SCLT1: variants seen among roughly 807,000 people sequenced by gnomAD.
The protein encoded by SCLT1 is sodium channel-associated protein 1.
SCLT1 carries 78 observed loss-of-function variants against 112.8 expected under a neutral mutation model. That is an observed-to-expected ratio of 0.69 (90% confidence interval 0.58 to 0.83). The LOEUF (loss-of-function observed/expected upper bound fraction) is 0.83. Among genes scored for constraint, SCLT1 ranks in the 40% least tolerant of loss-of-function variants. The probability of loss-of-function intolerance (pLI) is 0.00; values close to 1 mark genes in which losing one functional copy is unlikely to be tolerated. For synonymous variants in SCLT1, 257 were observed against 254.7 expected, an observed-to-expected ratio of 1.01 and a Z score of -0.09; for missense variants, 747 against 770.4, an observed-to-expected ratio of 0.97 and a Z score of 0.36.
At chr4:128,912,433 A>C (rs559523209) in intron 18 of SCLT1, among the ~76,000 whole-genome samples, 15 of 152,266 alleles carry the variant, frequency 9.9e-5, no homozygotes, top group African/African-American at 3.6e-4. Flanking sequence ...TTTTAACTTG[A>C]AAATTATAAA....
intron 2 of SCLT1, among the ~76,000 whole-genome samples, chr4:129,070,864 T>C (rs2125752803): frequency 6.6e-6 from 1 of 152,248 alleles, no homozygotes. Flanking sequence ...GGTGTGACCT[T>C]GGAATGTCAG....
At chr4:128,992,286 A>G (rs1461973046) in intron 8 of SCLT1, 49 bp from the exon 9 acceptor site, 12 of 1,145,856 alleles carry the variant, frequency 1.0e-5, no homozygotes, top group Non-Finnish European at 1.5e-5. Flanking sequence ...TAATAACTGT[A>G]TCTTTAAAGA....
intron 9 of SCLT1, among the ~76,000 whole-genome samples, chr4:128,973,995 T>C (rs765324029): frequency 2.0e-5 from 3 of 152,142 alleles, no homozygotes; most frequent in Non-Finnish European, 4.4e-5. Context: ...ACACAAAAGG[T>C]ATGTGAACTG....
intron 5 of SCLT1, among the ~76,000 whole-genome samples, chr4:129,004,845 T>C (rs531933792): frequency 6.6e-6 from 1 of 151,652 alleles, no homozygotes; most frequent in Admixed American, 6.6e-5. Context: ...TTAATTACTC[T>C]GAAGAAAGGA....
At chr4:129,059,072 G>A (rs1475928806) in intron 2 of SCLT1, among the ~76,000 whole-genome samples, 1 of 152,080 alleles carries the variant, frequency 6.6e-6, no homozygotes, top group African/African-American at 2.4e-5. Flanking sequence ...TTTAATGTCT[G>A]TATTATCTCA....
At chr4:128,965,582 T>C (rs1740108065) in intron 10 of SCLT1, among the ~76,000 whole-genome samples, 1 of 152,198 alleles carries the variant, frequency 6.6e-6, no homozygotes, top group Non-Finnish European at 1.5e-5. Flanking sequence ...TCAAACTATT[T>C]CTATAGTACA....
chr4:129,082,269 T>C, intron 2 of SCLT1, 37 bp downstream of exon 2: 1 of 1,037,506 alleles, frequency 9.6e-7, no homozygotes, highest in Non-Finnish European at 1.4e-6. Context: ...CAACTTCACA[T>C]GAGAATATTC....
At chr4:128,887,576 G>T (rs1732980655) in intron 20 of SCLT1, among the ~76,000 whole-genome samples, 2 of 151,640 alleles carry the variant, frequency 1.3e-5, no homozygotes, top group Non-Finnish European at 2.9e-5. Flanking sequence ...TTGTTTTCTC[G>T]CCTCCCCTAT....
intron 1 of SCLT1, among the ~76,000 whole-genome samples, chr4:129,089,612 C>T (rs1415846314): frequency 6.6e-6 from 1 of 152,152 alleles, no homozygotes; most frequent in Non-Finnish European, 1.5e-5. Flanking sequence ...TGGAACAAAC[C>T]CAAATGTCCA....
chr4:128,943,058 G>C lies in SCLT1; in HGVS notation c.1570C>G (p.Arg524Gly). The C allele has an allele frequency of 1.9e-6, 3 of 1,612,862 alleles. No individual in the cohort carries two copies. Among genetic ancestry groups the C allele is most frequent in the Non-Finnish European group, 2.5e-6 (3 of 1,179,374 alleles). ...TTCCTTAAACTCTCAGTCTCTTTCC[G>C]TAACTGTTTATTTTCTTGCTGAAGT... ...LKLQQENKQLRKETESLRKIA... is the reference protein window; with the variant it reads ...LKLQQENKQLGKETESLRKIA... Residue 524 changes from arginine to glycine, a missense_variant, in exon 17 of 21, where the codon CGG becomes GGG. Coordinates refer to ENST00000281142, the MANE Select transcript of SCLT1 (RefSeq NM_144643.4).
intron 5 of SCLT1, among the ~76,000 whole-genome samples, chr4:129,004,965 G>A (rs1743862318): frequency 6.6e-6 from 1 of 151,468 alleles, no homozygotes; most frequent in South Asian, 2.1e-4. Context: ...TTTCCTATAT[G>A]AAATGTTTAC....
chr4:128,913,237 CA>C (rs2125949771), intron 18 of SCLT1, among the ~76,000 whole-genome samples: 1 of 152,176 alleles, frequency 6.6e-6, no homozygotes, highest in East Asian at 1.9e-4. Flanking sequence ...TACAGCAAAA[CA>C]AAAATAAAAT....
At chr4:128,925,324 T>C (rs565859850) in intron 18 of SCLT1, among the ~76,000 whole-genome samples, 2 of 152,076 alleles carry the variant, frequency 1.3e-5, no homozygotes, top group African/African-American at 2.4e-5. Flanking sequence ...TTCATCAAGT[T>C]TGGAAAAAAT....
In SCLT1 at chr4:128,948,478, T is replaced by C; in HGVS notation, c.1293+18A>G. 1 of 1,603,858 alleles carries C rather than the reference T, an allele frequency of 6.2e-7. No individual in the cohort carries two copies. The highest frequency in any genetic ancestry group is 8.5e-7 in the Non-Finnish European group (1 of 1,176,860). On this transcript the variant is annotated intron_variant, in intron 15 of 20. Transcript: ENST00000281142. ...TGCAGTTGGGTTTTAGGTAGTTATA[T>C]TTCCTTTTTCTTTTTACCTTTTCTA...
intron 5 of SCLT1, among the ~76,000 whole-genome samples, chr4:129,013,736 A>T (rs1702149986): frequency 1.3e-5 from 2 of 152,064 alleles, no homozygotes; most frequent in Admixed American, 1.3e-4. Flanking sequence ...GATGTCTTTA[A>T]AATTTTTTGT....
intron 9 of SCLT1, among the ~76,000 whole-genome samples, chr4:128,973,866 T>C (rs1265942628): frequency 6.6e-6 from 1 of 152,132 alleles, no homozygotes; most frequent in Non-Finnish European, 1.5e-5. Context: ...TCCCACACTG[T>C]TCCATAGAAC....
chr4:129,032,424 C>T (rs1161538860), intron 5 of SCLT1, among the ~76,000 whole-genome samples: 6 of 152,080 alleles, frequency 3.9e-5, no homozygotes, highest in Non-Finnish European at 8.8e-5. Flanking sequence ...AGGACAAAGG[C>T]ATGGGCAAAG....
At chr4:128,973,591 C>T in intron 9 of SCLT1, among the ~76,000 whole-genome samples, 1 of 151,872 alleles carries the variant, frequency 6.6e-6, no homozygotes, top group South Asian at 2.1e-4. Flanking sequence ...ATCTTGCACA[C>T]CCAATTTAAT....
intron 11 of SCLT1, among the ~76,000 whole-genome samples, chr4:128,961,572 C>T (rs539780515): frequency 3.3e-5 from 5 of 152,158 alleles, no homozygotes; most frequent in African/African-American, 1.2e-4. Context: ...TCTCTATTCT[C>T]CCCACTAACC....
Sources: gnomAD v4.1 joint callset for allele counts (sites outside exome capture counted in the v4.1 genomes callset) on GRCh38, gnomAD v4.1.1 for gene constraint, MANE v1.5 for transcripts, NCBI Gene and HGNC (gene_info 2026-07-23, HGNC 2026-07-21) for gene names.